ERG: variants seen among roughly 807,000 people sequenced by gnomAD.
The protein encoded by ERG is transcriptional regulator ERG.
In ERG, 9 loss-of-function variants were observed where a neutral mutation model predicts 55.3. That is an observed-to-expected ratio of 0.16 (90% CI 0.10 to 0.28). The LOEUF is 0.28. Ranked by LOEUF, ERG falls within the 10% of genes least tolerant of loss-of-function variation. ERG has a pLI of 1.00. For synonymous variants in ERG, 223 were observed against 237.3 expected (o/e 0.94, Z 0.55); for missense variants, 434 against 631.6 (o/e 0.69, Z 3.35).
chr21:38,588,075 A>C (rs546070020), upstream of ERG, among the ~76,000 whole-genome samples: 4 of 152,378 alleles, frequency 2.6e-5, no homozygotes, highest in East Asian at 7.7e-4. Flanking sequence ...GGATCCAAAA[A>C]GATGTCACGA....
chr21:38,619,091 C>T (rs1171182058), intron 1 of ERG, among the ~76,000 whole-genome samples: 1 of 152,176 alleles, frequency 6.6e-6, no homozygotes, highest in Admixed American at 6.5e-5. Context: ...TGACCTACCA[C>T]CATCCACTTC....
chr21:38,446,883 T>C (rs997559820), intron 1 of ERG, among the ~76,000 whole-genome samples: 1 of 152,168 alleles, frequency 6.6e-6, no homozygotes, highest in Non-Finnish European at 1.5e-5. Flanking sequence ...TATTACCATC[T>C]GCCTTCTCCT....
chr21:38,503,038 A>G (rs773214755), upstream of ERG, among the ~76,000 whole-genome samples: 3 of 152,210 alleles, frequency 2.0e-5, no homozygotes, highest in Non-Finnish European at 4.4e-5. Context: ...AACCTTTTGT[A>G]ATAGTCAAAA....
chr21:38,464,422 A>T (rs2059070350), intron 1 of ERG, among the ~76,000 whole-genome samples: 1 of 152,226 alleles, frequency 6.6e-6, no homozygotes, highest in Non-Finnish European at 1.5e-5. Context: ...AACATCAGAC[A>T]CACTGTGGAA....
At chr21:38,502,163 G>A (rs1216677575), upstream of ERG, among the ~76,000 whole-genome samples, 5 of 152,200 alleles carry the variant, frequency 3.3e-5, no homozygotes, top group East Asian at 1.9e-4. Flanking sequence ...ACTCATTCAC[G>A]TCTTTATCCC....
At chr21:38,427,032 A>G (rs1353789609) in intron 2 of ERG, among the ~76,000 whole-genome samples, 2 of 152,172 alleles carry the variant, frequency 1.3e-5, no homozygotes, top group Non-Finnish European at 2.9e-5. Context: ...TTTAATTTTC[A>G]TATCCGAGGA....
intron 2 of ERG, among the ~76,000 whole-genome samples, chr21:38,547,133 G>C (rs1386349853): frequency 1.3e-5 from 2 of 152,158 alleles, no homozygotes; most frequent in Non-Finnish European, 1.5e-5. Context: ...CATTGGCCTG[G>C]TCTGCCCTAG....
chr21:38,638,281 A>T (rs1221154189), intron 1 of ERG, among the ~76,000 whole-genome samples: 1 of 152,148 alleles, frequency 6.6e-6, no homozygotes, highest in East Asian at 1.9e-4. Flanking sequence ...GGATTTGGGG[A>T]GTTAATCCAG....
intron 3 of ERG, among the ~76,000 whole-genome samples, chr21:38,412,545 C>T (rs1268420900): frequency 6.6e-6 from 1 of 152,144 alleles, no homozygotes; most frequent in Non-Finnish European, 1.5e-5. Context: ...TCTACCCTCA[C>T]CTTAATCAAT....
At chr21:38,574,958 C>T (rs1023313959) in intron 2 of ERG, among the ~76,000 whole-genome samples, 1 of 152,120 alleles carries the variant, frequency 6.6e-6, no homozygotes, top group Non-Finnish European at 1.5e-5. Context: ...TGAAAACTAC[C>T]ATCTCATTTC....
intron 1 of ERG, among the ~76,000 whole-genome samples, chr21:38,593,205 C>A (rs186765432): frequency 8.5e-4 from 130 of 152,194 alleles, no homozygotes; most frequent in Non-Finnish European, 1.6e-3. Context: ...CTGCCTGGGG[C>A]CCCCCTGTAA....
chr21:38,425,843 G>A (rs1390859566), intron 2 of ERG, among the ~76,000 whole-genome samples: 5 of 152,212 alleles, frequency 3.3e-5, no homozygotes, highest in Non-Finnish European at 7.3e-5. Context: ...AGGCAGGAGC[G>A]CACTTTCTGA....
Position 38,381,505 on chromosome 21 carries a change from G to A in ERG, c.*1898C>T. On this transcript the variant is annotated 3_prime_UTR_variant, in exon 10 of 10. Transcript: ENST00000288319. ...ACTCTGATGTAGCAGGACTAAAGCT[G>A]TCTACCTAGTGAGAGCTCCTGAAAG... The A allele has an allele frequency of 9.4e-7, 1 of 1,063,824 alleles. No individual in the cohort carries two copies. The highest frequency in any genetic ancestry group is 1.1e-6 in the Non-Finnish European group (1 of 878,332). 65.9% of individuals were successfully genotyped at this position (1,063,824 alleles called of 1,614,324 possible).
chr21:38,417,476 A>G (rs1179610485), intron 3 of ERG, among the ~76,000 whole-genome samples: 1 of 152,178 alleles, frequency 6.6e-6, no homozygotes, highest in Non-Finnish European at 1.5e-5. Flanking sequence ...ACACTTTAGC[A>G]CCTATTTTAA....
At chr21:38,393,599 T>G (rs1224889800) in intron 6 of ERG, among the ~76,000 whole-genome samples, 1 of 152,218 alleles carries the variant, frequency 6.6e-6, no homozygotes, top group South Asian at 2.1e-4. Context: ...TTTAAACAAA[T>G]ATTTTAATTT....
intron 5 of ERG, 122 bp downstream of exon 5, chr21:38,402,435 T>C: frequency 1.4e-6 from 1 of 704,326 alleles, no homozygotes; most frequent in Non-Finnish European, 2.4e-6. Context: ...CCGAAAGTAT[T>C]CTGAATCATC....
At chr21:38,436,280 C>A (rs958807540) in intron 2 of ERG, among the ~76,000 whole-genome samples, 46 of 151,932 alleles carry the variant, frequency 3.0e-4, no homozygotes, top group African/African-American at 1.1e-3. Flanking sequence ...TTTGGAAACA[C>A]CTGGTGAGGT....
intron 1 of ERG, among the ~76,000 whole-genome samples, chr21:38,626,610 CACTTATTTTCATA>C (rs2060326069): frequency 6.6e-6 from 1 of 152,146 alleles, no homozygotes; most frequent in Non-Finnish European, 1.5e-5. Context: ...AAAAGGGAAG[CACTTATTTTCATA>C]ACTTATTTTC....
chr21:38,442,130 G>A (rs1003984904), intron 2 of ERG, among the ~76,000 whole-genome samples: 2 of 152,226 alleles, frequency 1.3e-5, no homozygotes, highest in Non-Finnish European at 2.9e-5. Context: ...TCAAGGCCGG[G>A]CGCGGTGGCT....
Sources: allele counts gnomAD v4.1 joint callset (sites outside exome capture counted in the v4.1 genomes callset), GRCh38; gene constraint gnomAD v4.1.1; transcripts MANE v1.5; gene names NCBI Gene and HGNC (gene_info 2026-07-23, HGNC 2026-07-21).